Variants in ZNF445 observed in about 807,000 individuals in gnomAD.
ZNF445 encodes the protein zinc finger protein 445.
ZNF445 carries 19 observed loss-of-function variants against 93.9 expected under a neutral mutation model. The ratio of observed to expected loss-of-function variants is 0.20; its 90% CI spans 0.14 to 0.30. The LOEUF is 0.30. Among genes scored for constraint, ZNF445 ranks in the 10% least tolerant of loss-of-function variants. The pLI, the probability that ZNF445 is intolerant of heterozygous loss-of-function variation, is 1.00. For missense variants in ZNF445, 1,058 were observed against 1,259.4 expected (o/e 0.84, Z 2.42); for synonymous variants, 449 against 446.3 (o/e 1.01, Z -0.08).
At position 44,472,721 on chromosome 3, in the gene ZNF445, A is replaced by G. The variant is rs538737405; in HGVS notation, c.-269+4870T>C. Among the ~76,000 whole-genome samples, 498 of 152,112 alleles carry G rather than the reference A, an allele frequency of 3.3e-3. 5 individuals carry two copies. Among genetic ancestry groups the G allele is most frequent in the Admixed American group, 0.025 (387 of 15,290 alleles). The stretch of plus-strand genomic sequence containing the variant: ...ATACAGCTACCTCAGCAGACAGCTG[A>G]GCCCGCCAATGAAATTCAGGTATCT... On this transcript the variant is annotated intron_variant, in intron 1 of 7. Coordinates refer to ENST00000396077, the MANE Select transcript of ZNF445 (RefSeq NM_181489.6).
At chr3:44,459,029 A>G (rs2125682004) in intron 1 of ZNF445, among the ~76,000 whole-genome samples, 1 of 152,340 alleles carries the variant, frequency 6.6e-6, no homozygotes, top group South Asian at 2.1e-4. Context: ...TAAAAGGTCC[A>G]AGAGGATGGG....
rs1559392850 is a variant in ZNF445, at chr3:44,449,616, T to C, written c.828A>G (p.Pro276=). The change falls in exon 7 of 8, where the codon CCA becomes CCG. Residue 276 remains proline, a synonymous_variant. Transcript: ENST00000396077. Reference sequence around the variant, plus strand: ...AGGAGATCAGAGCAGGTTTGGTGAATGGTCCCACTGCAGAAGAGAAGAGAA... The same window carrying C: ...AGGAGATCAGAGCAGGTTTGGTGAACGGTCCCACTGCAGAAGAGAAGAGAA... ...NYRNMASLVG[P]FTKPALISWL... The C allele has an allele frequency of 6.2e-7, 1 of 1,613,368 alleles. No homozygotes were observed. The highest frequency in any genetic ancestry group is 8.5e-7 in the Non-Finnish European group (1 of 1,179,434).
rs938349555 is a variant in ZNF445, at chr3:44,435,791, C to A, written c.*10784G>T. 6.6e-6 allele frequency: 1 copy of A among 152,160 alleles called. No individual in the cohort carries two copies. The highest frequency in any genetic ancestry group is 2.4e-5 in the African/African-American group (1 of 41,428). The allele number at this position is 152,160 out of a possible 1,614,324, so 9.4% of individuals were successfully genotyped here. ...GGATGGGTTCAGGAATCTACTAGAT[C>A]TACTGTGAGATGAATCTGAGCCAAA... is the stretch of plus-strand genomic sequence containing the variant. On this transcript the variant is annotated 3_prime_UTR_variant, in exon 8 of 8. Coordinates refer to ENST00000396077, the MANE Select transcript of ZNF445 (RefSeq NM_181489.6).
intron 1 of ZNF445, among the ~76,000 whole-genome samples, chr3:44,462,802 A>T (rs1438899267): frequency 1.3e-5 from 2 of 152,236 alleles, no homozygotes; most frequent in African/African-American, 4.8e-5. Flanking sequence ...AAAATTCAAA[A>T]GCCAAAAATA....
rs1173915756 is a variant in ZNF445 at position 44,443,085 on chromosome 3, G to C, written c.*3490C>G. On this transcript the variant is annotated 3_prime_UTR_variant, in exon 8 of 8. Coordinates refer to ENST00000396077, the MANE Select transcript of ZNF445 (RefSeq NM_181489.6). ...TGGGGCCACGGGTTTAGAGGCACAA[G>C]GGTCAGACAAGGTCAGGCCTTGAAG... 6.6e-6 allele frequency: 1 copy of C among 152,268 alleles called. No homozygotes were observed. The highest frequency in any genetic ancestry group is 2.1e-4 in the South Asian group (1 of 4,830). 9.4% of individuals were successfully genotyped at this position (152,268 alleles called of 1,614,324 possible). A position where few individuals can be genotyped will look rare whatever the true frequency, so the allele number is the denominator to read the frequency against.
intron 1 of ZNF445, among the ~76,000 whole-genome samples, chr3:44,471,182 T>C (rs952479529): frequency 2.0e-5 from 3 of 152,234 alleles, no homozygotes; most frequent in Admixed American, 6.5e-5. Context: ...TTCTCTAATA[T>C]GACTCTTGGT....
At position 44,447,646 on chromosome 3, in the gene ZNF445, G is replaced by A. The variant is rs138400939; in HGVS notation, c.2025C>T (p.Pro675=). 41 of 1,613,914 alleles carry A rather than the reference G, an allele frequency of 2.5e-5. No individual in the cohort carries two copies. The highest frequency in any genetic ancestry group is 1.6e-4 in the Middle Eastern group (1 of 6,084). ...GACACAGAAATGTTTTCTCCACAGC[G>A]GGAGCACCCTGGGGCTGACTGCAGT... The part of the protein sequence containing the change: ...SPDCSQPQGA[P]AVEKTFLCQQ... The change falls in exon 8 of 8, where the codon CCC becomes CCT. Residue 675 remains proline, a synonymous_variant. Coordinates refer to ENST00000396077, the MANE Select transcript of ZNF445 (RefSeq NM_181489.6). The surrounding 1 kb of genome is among the most constrained non-coding windows in gnomAD (Gnocchi z 4.7).
chr3:44,452,046 C>A (rs1203813192), intron 3 of ZNF445, among the ~76,000 whole-genome samples: 1 of 151,992 alleles, frequency 6.6e-6, no homozygotes, highest in Non-Finnish European at 1.5e-5. Context: ...AGCCATGGAA[C>A]CATAGAAGAA....
chr3:44,459,884 G>A (rs1234801093), intron 1 of ZNF445, among the ~76,000 whole-genome samples: 3 of 152,162 alleles, frequency 2.0e-5, no homozygotes, highest in Non-Finnish European at 2.9e-5. Context: ...CATTCTTCAT[G>A]CCCCAGGAAC....
At chr3:44,452,361 A>G (rs1697968832) in intron 3 of ZNF445, among the ~76,000 whole-genome samples, 1 of 152,184 alleles carries the variant, frequency 6.6e-6, no homozygotes, top group Admixed American at 6.5e-5. Flanking sequence ...AAGAATTAAA[A>G]AAAAAAAAAA....
Position 44,434,853 on chromosome 3 carries a change from A to G in ZNF445, c.*11722T>C, listed in dbSNP as rs1218868618. On this transcript the variant is annotated 3_prime_UTR_variant, in exon 8 of 8. Transcript: ENST00000396077. ...CTCTTTGTTATTTTTTCCCCCATGAAGCTGAAGGCCACGATAGCTGAAGGC... is the reference window on the plus strand; with the variant it reads ...CTCTTTGTTATTTTTTCCCCCATGAGGCTGAAGGCCACGATAGCTGAAGGC... 1 of 152,212 alleles carries G rather than the reference A, an allele frequency of 6.6e-6. No homozygotes were observed. Among genetic ancestry groups the G allele is most frequent in the African/African-American group, 2.4e-5 (1 of 41,436 alleles). 9.4% of individuals were successfully genotyped at this position (152,212 alleles called of 1,614,324 possible). A position where few individuals can be genotyped will look rare whatever the true frequency, so the allele number is the denominator to read the frequency against.
intron 1 of ZNF445, among the ~76,000 whole-genome samples, chr3:44,460,284 C>T (rs539466022): frequency 2.0e-4 from 31 of 152,232 alleles, no homozygotes; most frequent in African/African-American, 7.0e-4. Context: ...TTCCTGGGTA[C>T]GGATGGAACT....
rs144930194 is a variant in ZNF445, at chr3:44,447,157, T to C, written c.2514A>G (p.Lys838=). 89 of 1,614,222 alleles carry C rather than the reference T, an allele frequency of 5.5e-5. 2 individuals carry two copies. The African/African-American group carries it at 7.3e-4, about 13-fold the overall frequency. ...TCCCACATTCTTGACACCAAAAACG[T>C]TTCTCACCAGTGAGGATTTTTGGCT... The part of the protein sequence containing the change: ...NVEPKILTGE[K]RFWCQECGKT... Residue 838 remains lysine (K), a synonymous_variant, in exon 8 of 8, where the codon AAA becomes AAG. Coordinates refer to ENST00000396077, the MANE Select transcript of ZNF445 (RefSeq NM_181489.6). The surrounding 1 kb of genome is among the most constrained non-coding windows in gnomAD (Gnocchi z 4.7).
chr3:44,446,632 C>G lies in ZNF445; in HGVS notation c.3039G>C (p.Lys1013Asn), dbSNP rs1422539658. ...CCAGGTTCGAAGACCACCTGAAGGT[C>G]TTTCCACACTTGCTGCATTTGAAGG... ...ERPFKCSKCG[K>N]TFRWSSNLAR... Residue 1013 changes from lysine to asparagine, a missense_variant, in exon 8 of 8, where the codon AAG (lysine) becomes AAC (asparagine). By Grantham distance (94) the Lys-to-Asn change is moderately conservative (BLOSUM62 0). Around this residue, in one of 3 missense-constraint regions of ZNF445, gnomAD observed 387 missense variants for 475.7 expected, o/e 0.81. Transcript: ENST00000396077. This position sits in a 1 kb window ranked among gnomAD's most constrained non-coding sequence, Gnocchi z 4.2. 1.9e-6 allele frequency: 3 copies of G among 1,614,110 alleles called. No individual in the cohort carries two copies. Among genetic ancestry groups the G allele is most frequent in the Non-Finnish European group, 2.5e-6 (3 of 1,180,058 alleles).
In ZNF445 at chr3:44,455,328, G is replaced by C. The variant is rs764801147; in HGVS notation, c.222C>G (p.Ser74Arg). 1 of 1,613,926 alleles carries C rather than the reference G, an allele frequency of 6.2e-7. No individual in the cohort carries two copies. Among genetic ancestry groups the C allele is most frequent in the Non-Finnish European group, 8.5e-7 (1 of 1,179,872 alleles). The change falls in exon 3 of 8, where the codon AGC becomes AGG. Residue 74 changes from serine (S) to arginine (R), a missense_variant. Physicochemically the swap from Ser to Arg is moderately radical, Grantham distance 110. Transcript: ENST00000396077. ...ACCAGCGACAGAGTTCCCGGAGCCG[G>C]CTCAGAGTTTCTAGGGGCCCTGAAG... ...HESSGPLETL[S>R]RLRELCRWWL...
At chr3:44,450,806 G>A (rs1697945979) in intron 5 of ZNF445, 62 bp downstream of exon 5, 1 of 1,401,514 alleles carries the variant, frequency 7.1e-7, no homozygotes, top group Non-Finnish European at 9.6e-7. Context: ...TGGGGAAGCT[G>A]CACTATCCCA....
chr3:44,452,953 C>T (rs972764177), intron 3 of ZNF445, among the ~76,000 whole-genome samples: 15 of 137,392 alleles, frequency 1.1e-4, no homozygotes, highest in East Asian at 9.2e-4. Flanking sequence ...CTTGCTCTTT[C>T]GCCAGGATGG....
At chr3:44,465,195 G>A (rs1483237532) in intron 1 of ZNF445, among the ~76,000 whole-genome samples, 1 of 152,140 alleles carries the variant, frequency 6.6e-6, no homozygotes, top group Non-Finnish European at 1.5e-5. Flanking sequence ...AAGGTGTGTA[G>A]GAAATGTGTT....
chr3:44,448,960 G>A (rs769991805), intron 7 of ZNF445, among the ~76,000 whole-genome samples: 5 of 152,164 alleles, frequency 3.3e-5, no homozygotes, highest in African/African-American at 9.7e-5. Context: ...ATATGCAGAC[G>A]TCACATCCAG....
Sources: allele counts gnomAD v4.1 joint callset (sites outside exome capture counted in the v4.1 genomes callset), GRCh38; gene constraint gnomAD v4.1.1; regional missense constraint gnomAD v4.1.1; non-coding constraint Gnocchi (gnomAD v3.1); transcripts MANE v1.5; gene names NCBI Gene and HGNC (gene_info 2026-07-23, HGNC 2026-07-21).